SGIP1: variants seen among roughly 807,000 people sequenced by gnomAD.
SGIP1 encodes SH3-containing GRB2-like protein 3-interacting protein 1.
In SGIP1, 38 loss-of-function variants were observed where a neutral mutation model predicts 107.5. That is an observed-to-expected ratio of 0.35 (90% CI 0.27 to 0.46). SGIP1 has a LOEUF of 0.46. Among genes scored for constraint, SGIP1 ranks in the 20% least tolerant of loss-of-function variants. The pLI is 1.00. For missense variants in SGIP1, 929 were observed against 1,019.5 expected, an observed-to-expected ratio of 0.91 and a Z score of 1.21; for synonymous variants, 365 against 366.1, an observed-to-expected ratio of 1.00 and a Z score of 0.03.
At chr1:66,549,124 C>T (rs1183147711) in intron 1 of SGIP1, among the ~76,000 whole-genome samples, 4 of 151,106 alleles carry the variant, frequency 2.6e-5, no homozygotes, top group Non-Finnish European at 5.9e-5. Context: ...GCTTAAGCTC[C>T]TTCTGGCTAC....
At chr1:66,593,106 C>A (rs996952733) in intron 1 of SGIP1, among the ~76,000 whole-genome samples, 1 of 151,848 alleles carries the variant, frequency 6.6e-6, no homozygotes, top group Non-Finnish European at 1.5e-5. Context: ...TATTCCATGT[C>A]TTTTCCTGGC....
In SGIP1 at chr1:66,690,324, T is replaced by C. The variant is rs1311506039; in HGVS notation, c.1570+8T>C. 1 of 1,613,852 alleles carries C rather than the reference T, an allele frequency of 6.2e-7. No individual in the cohort carries two copies. Among genetic ancestry groups the C allele is most frequent in the East Asian group, 2.2e-5 (1 of 44,890 alleles). On this transcript the variant is annotated splice_region_variant and intron_variant, in intron 17 of 24. Coordinates refer to ENST00000371037, the MANE Select transcript of SGIP1 (RefSeq NM_032291.4). ...CCACCACTCCCACAGTTGGTAAAAA[T>C]TCTCTCCTCTCTTTTAATCCGTTTG...
intron 18 of SGIP1, among the ~76,000 whole-genome samples, chr1:66,716,934 C>T (rs1454162923): frequency 5.3e-5 from 8 of 151,994 alleles, no homozygotes; most frequent in African/African-American, 1.9e-4. Context: ...CCACACTTCC[C>T]GTGGTTTCTT....
intron 1 of SGIP1, among the ~76,000 whole-genome samples, chr1:66,579,638 C>T (rs555748588): frequency 1.2e-4 from 18 of 152,282 alleles, no homozygotes; most frequent in Admixed American, 9.2e-4. Context: ...TCACAATCTT[C>T]TTACTTTTTT....
At chr1:66,725,640 C>T (rs1435382510) in intron 19 of SGIP1, among the ~76,000 whole-genome samples, 2 of 152,184 alleles carry the variant, frequency 1.3e-5, no homozygotes, top group Non-Finnish European at 2.9e-5. Flanking sequence ...CCTCAAACAG[C>T]TTAAAAATAA....
At chr1:66,551,360 ATTGGGCGCATCTC>A (rs2057374465) in intron 1 of SGIP1, among the ~76,000 whole-genome samples, 1 of 152,128 alleles carries the variant, frequency 6.6e-6, no homozygotes, top group Non-Finnish European at 1.5e-5. Flanking sequence ...TTAACAATCT[ATTGGGCGCATCTC>A]CTACTTTCAG....
At chr1:66,591,655 G>A (rs562090624) in intron 1 of SGIP1, among the ~76,000 whole-genome samples, 2 of 152,206 alleles carry the variant, frequency 1.3e-5, no homozygotes, top group South Asian at 2.1e-4. Flanking sequence ...CAGAGACAAA[G>A]TGTAGAGAAA....
At chr1:66,589,208 A>ATGTGTGTGTG (rs1453675527) in intron 1 of SGIP1, among the ~76,000 whole-genome samples, 1 of 87,518 alleles carries the variant, frequency 1.1e-5, no homozygotes, top group Non-Finnish European at 2.3e-5. Flanking sequence ...ATATATATAT[A>ATGTGTGTGTG]TATATATATG....
chr1:66,542,828 T>G (rs996403853), intron 1 of SGIP1, among the ~76,000 whole-genome samples: 3 of 152,170 alleles, frequency 2.0e-5, no homozygotes, highest in Non-Finnish European at 2.9e-5. Context: ...TAAGGTTAAG[T>G]GACACTCAAG....
In SGIP1 at chr1:66,739,600, T is replaced by A. The variant is rs576934983; in HGVS notation, c.2234+63T>A. ...CTGGGTCAAGAGGTCACAGACTCCT[T>A]AGCACTTGCGTGTCCTGTAGGAGGA... On this transcript the variant is annotated intron_variant, in intron 22 of 24. Coordinates refer to ENST00000371037, the MANE Select transcript of SGIP1 (RefSeq NM_032291.4). The A allele has an allele frequency of 5.8e-6, 9 of 1,539,778 alleles. No homozygotes were observed. The Admixed American group carries it at 8.5e-5, about 14-fold the overall frequency.
In SGIP1 at chr1:66,667,513, C is replaced by A. The variant is rs754537040; in HGVS notation, c.472-17C>A. 1.2e-6 allele frequency: 2 copies of A among 1,613,150 alleles called. No individual in the cohort carries two copies. The highest frequency in any genetic ancestry group is 3.3e-5 in the Admixed American group (2 of 60,020). On this transcript the variant is annotated splice_polypyrimidine_tract_variant and intron_variant, in intron 8 of 24. Transcript: ENST00000371037. ...CTGACTAGGTGTCTGTTCTCTCTTC[C>A]TTTTTGCTGATCACAGAGGCGCAGC...
intron 18 of SGIP1, among the ~76,000 whole-genome samples, chr1:66,716,241 C>T (rs1364788569): frequency 6.6e-6 from 1 of 152,118 alleles, no homozygotes; most frequent in Non-Finnish European, 1.5e-5. Context: ...AGTTCCTTCG[C>T]AATGGATGTA....
At chr1:66,585,970 A>G (rs901416369) in intron 1 of SGIP1, among the ~76,000 whole-genome samples, 2 of 152,192 alleles carry the variant, frequency 1.3e-5, no homozygotes, top group African/African-American at 2.4e-5. Context: ...GTCTCCAACT[A>G]CAATTGTGGA....
intron 1 of SGIP1, among the ~76,000 whole-genome samples, chr1:66,596,194 C>T (rs2064637557): frequency 6.6e-6 from 1 of 152,178 alleles, no homozygotes; most frequent in South Asian, 2.1e-4. Flanking sequence ...CTTGTACCCA[C>T]ATTCAGCAGT....
chr1:66,629,078 G>C (rs1026165515), intron 2 of SGIP1, among the ~76,000 whole-genome samples: 2 of 152,220 alleles, frequency 1.3e-5, no homozygotes, highest in African/African-American at 2.4e-5. Context: ...GCAATTTGCT[G>C]TCCCTTCAGC....
chr1:66,708,857 A>G (rs901007198), intron 18 of SGIP1, among the ~76,000 whole-genome samples: 1 of 152,184 alleles, frequency 6.6e-6, no homozygotes, highest in Non-Finnish European at 1.5e-5. Flanking sequence ...AAGACTGGAA[A>G]TAACTCTAAT....
chr1:66,602,038 A>G (rs976396407), intron 1 of SGIP1, among the ~76,000 whole-genome samples: 1 of 152,240 alleles, frequency 6.6e-6, no homozygotes, highest in African/African-American at 2.4e-5. Context: ...ATACAGACCA[A>G]GGAGCTGCTA....
intron 19 of SGIP1, among the ~76,000 whole-genome samples, chr1:66,727,132 G>T (rs944399960): frequency 1.3e-5 from 2 of 152,098 alleles, no homozygotes; most frequent in South Asian, 4.2e-4. Flanking sequence ...TTAAGAGAAA[G>T]AAAAAACAAA....
chr1:66,706,439 G>A (rs2092520131), intron 18 of SGIP1, among the ~76,000 whole-genome samples: 1 of 117,030 alleles, frequency 8.5e-6, no homozygotes, highest in Non-Finnish European at 1.8e-5. Context: ...TTTATATAGA[G>A]ATACACATTT....
Sources: gnomAD v4.1 joint callset for allele counts (sites outside exome capture counted in the v4.1 genomes callset) on GRCh38, gnomAD v4.1.1 for gene constraint, MANE v1.5 for transcripts, NCBI Gene and HGNC (gene_info 2026-07-23, HGNC 2026-07-21) for gene names.